Variants in RBFOX1 observed in about 807,000 individuals in gnomAD.
The protein encoded by RBFOX1 is RNA binding protein fox-1 homolog 1.
Under a neutral mutation model 57.7 loss-of-function variants are expected in RBFOX1, and 8 were observed. The observed-to-expected ratio is 0.14, with a 90% CI of 0.08 to 0.25. The LOEUF (loss-of-function observed/expected upper bound fraction) is 0.25, where lower values mean the gene tolerates loss of function less well. Among genes scored for constraint, RBFOX1 ranks in the 10% least tolerant of loss-of-function variants. The pLI is 1.00. For missense variants in RBFOX1, 611 were observed against 548.5 expected (o/e 1.11, Z -1.14); for synonymous variants, 326 against 222.4 (o/e 1.47, Z -4.15).
intron 4 of RBFOX1, among the ~76,000 whole-genome samples, chr16:7,489,578 C>T (rs975306859): frequency 6.6e-6 from 1 of 152,042 alleles, no homozygotes; most frequent in East Asian, 1.9e-4. Context: ...TGCGGTGGTA[C>T]CATCATAGCT....
At chr16:5,468,867 C>T (rs892804551) in intron 2 of RBFOX1, among the ~76,000 whole-genome samples, 1 of 152,242 alleles carries the variant, frequency 6.6e-6, no homozygotes, top group Admixed American at 6.5e-5. Context: ...TTGGATCCAT[C>T]TCAGGACAGA....
chr16:6,163,847 C>T (rs1337880820), intron 1 of RBFOX1, among the ~76,000 whole-genome samples: 2 of 152,038 alleles, frequency 1.3e-5, no homozygotes, highest in Non-Finnish European at 2.9e-5. Context: ...ATTAGAAAGG[C>T]CCATATAGGG....
At chr16:6,040,552 C>G (rs1161341135) in intron 1 of RBFOX1, among the ~76,000 whole-genome samples, 1 of 144,364 alleles carries the variant, frequency 6.9e-6, no homozygotes. Flanking sequence ...ATTAATCATT[C>G]TTTCTTTCTT....
At chr16:6,302,128 C>G (rs929644423) in intron 1 of RBFOX1, among the ~76,000 whole-genome samples, 5 of 152,034 alleles carry the variant, frequency 3.3e-5, no homozygotes, top group African/African-American at 1.2e-4. Flanking sequence ...TTATTTCTTA[C>G]CTGAAATCAT....
At chr16:5,679,510 C>T (rs895599421) in intron 3 of RBFOX1, among the ~76,000 whole-genome samples, 1 of 152,062 alleles carries the variant, frequency 6.6e-6, no homozygotes, top group Non-Finnish European at 1.5e-5. Flanking sequence ...CCTTGTCCCC[C>T]ACCCCCCGAC....
At chr16:6,522,329 A>G (rs2096518053) in intron 2 of RBFOX1, among the ~76,000 whole-genome samples, 1 of 152,096 alleles carries the variant, frequency 6.6e-6, no homozygotes, top group South Asian at 2.1e-4. Flanking sequence ...TCCAGAGATG[A>G]TATTTGTTAA....
chr16:5,631,348 G>A (rs2048500211), intron 3 of RBFOX1, among the ~76,000 whole-genome samples: 2 of 152,130 alleles, frequency 1.3e-5, no homozygotes, highest in African/African-American at 4.8e-5. Flanking sequence ...CACGAGGTCA[G>A]GAGTTCAAGA....
intron 3 of RBFOX1, among the ~76,000 whole-genome samples, chr16:5,710,136 C>T (rs1027880828): frequency 6.6e-6 from 1 of 151,710 alleles, no homozygotes; most frequent in African/African-American, 2.4e-5. Context: ...ATTATAAGCT[C>T]CCACGAAATT....
intron 4 of RBFOX1, among the ~76,000 whole-genome samples, chr16:5,870,136 A>G (rs1423656293): frequency 6.0e-5 from 9 of 148,880 alleles, no homozygotes; most frequent in African/African-American, 2.2e-4. Flanking sequence ...TATATTATTT[A>G]TATATTCTAT....
intron 3 of RBFOX1, among the ~76,000 whole-genome samples, chr16:6,796,745 C>T (rs988503165): frequency 1.3e-5 from 2 of 152,262 alleles, no homozygotes; most frequent in Admixed American, 6.5e-5. Flanking sequence ...TGATCCTAAA[C>T]GCCCCATGAA....
chr16:6,321,109 C>T (rs2081734838), intron 2 of RBFOX1, among the ~76,000 whole-genome samples: 1 of 152,150 alleles, frequency 6.6e-6, no homozygotes, highest in Non-Finnish European at 1.5e-5. Flanking sequence ...AAATGTGTTA[C>T]TTTAGTTTTA....
At chr16:7,650,047 G>A (rs74540566) in intron 11 of RBFOX1, among the ~76,000 whole-genome samples, 9 of 151,240 alleles carry the variant, frequency 6.0e-5, no homozygotes, top group South Asian at 2.1e-4. Context: ...AAGGACAGGA[G>A]GGAGGGAAGA....
chr16:7,647,869 T>A (rs147286398), intron 11 of RBFOX1, among the ~76,000 whole-genome samples: 1 of 152,180 alleles, frequency 6.6e-6, no homozygotes, highest in Non-Finnish European at 1.5e-5. Flanking sequence ...GACATAACTC[T>A]CACTCAACAA....
chr16:6,509,196 G>T (rs1481847868), intron 2 of RBFOX1, among the ~76,000 whole-genome samples: 1 of 152,128 alleles, frequency 6.6e-6, no homozygotes. Flanking sequence ...ATCTGGTAAA[G>T]GTATTTTTGG....
chr16:6,002,292 C>G (rs1052366724), intron 4 of RBFOX1, among the ~76,000 whole-genome samples: 1 of 152,146 alleles, frequency 6.6e-6, no homozygotes, highest in African/African-American at 2.4e-5. Flanking sequence ...TTTCAACTTA[C>G]GATTGTGTCT....
At chr16:7,309,683 C>T (rs1238574397) in intron 4 of RBFOX1, among the ~76,000 whole-genome samples, 2 of 152,110 alleles carry the variant, frequency 1.3e-5, no homozygotes, top group South Asian at 2.1e-4. Context: ...AAACATAATG[C>T]TTGTTTATTC....
At chr16:5,724,122 A>C (rs2052042514) in intron 3 of RBFOX1, among the ~76,000 whole-genome samples, 1 of 152,160 alleles carries the variant, frequency 6.6e-6, no homozygotes, top group South Asian at 2.1e-4. Flanking sequence ...AGATGTTGTG[A>C]CTGGAACTGT....
At position 7,466,518 on chromosome 16, in the gene RBFOX1, T is replaced by A. The variant is rs149812118; in HGVS notation, c.28-51629T>A. Among the ~76,000 whole-genome samples the A allele has an allele frequency of 2.2e-3, 335 of 152,242 alleles. 1 individual carries two copies. The highest frequency in any genetic ancestry group is 6.8e-3 in the Middle Eastern group (2 of 292). ...GTTAATGGAGCCCAGATGTGAAGTT[T>A]GCTTCAACTCCACGATGTCCTGCCT... On this transcript the variant is annotated intron_variant, in intron 4 of 15. Transcript: ENST00000550418.
At chr16:6,251,960 A>G (rs2097617280) in intron 1 of RBFOX1, among the ~76,000 whole-genome samples, 1 of 152,040 alleles carries the variant, frequency 6.6e-6, no homozygotes, top group African/African-American at 2.4e-5. Flanking sequence ...TTCTGATCCA[A>G]CCAATTCTGT....
Sources: gnomAD v4.1 joint callset for allele counts (sites outside exome capture counted in the v4.1 genomes callset) on GRCh38, gnomAD v4.1.1 for gene constraint, MANE v1.5 for transcripts, NCBI Gene and HGNC (gene_info 2026-07-23, HGNC 2026-07-21) for gene names.